Variants in PCNT observed in about 807,000 individuals in gnomAD.
The protein encoded by PCNT is kendrin.
A neutral mutation model predicts 380.4 loss-of-function variants in PCNT; 319 were observed. The observed-to-expected ratio is 0.84, with a 90% CI of 0.77 to 0.92. The LOEUF (loss-of-function observed/expected upper bound fraction) is 0.92, where lower values mean the gene tolerates loss of function less well. Among genes scored for constraint, PCNT ranks in the 40% least tolerant of loss-of-function variants. The pLI, the probability that PCNT is intolerant of heterozygous loss-of-function variation, is 0.00. For missense variants in PCNT, 4,400 were observed against 4,255.3 expected, an observed-to-expected ratio of 1.03 and a Z score of -0.95; for synonymous variants, 1,845 against 1,735.2, an observed-to-expected ratio of 1.06 and a Z score of -1.57.
intron 41 of PCNT, among the ~76,000 whole-genome samples, 183 bp from the exon 42 acceptor site, chr21:46,439,900 C>T (rs932197040): frequency 2.6e-5 from 4 of 152,206 alleles, no homozygotes; most frequent in Non-Finnish European, 5.9e-5. Flanking sequence ...TTTGGCTGAT[C>T]ACAGCACGGC....
chr21:46,402,302 A>G (rs2086453796), intron 26 of PCNT, 29 bp from the exon 27 acceptor site: 1 of 1,478,092 alleles, frequency 6.8e-7, no homozygotes, highest in Admixed American at 1.7e-5. Flanking sequence ...ATGACTTTTA[A>G]TACTTTTCTT....
At chr21:46,397,643 C>T in intron 22 of PCNT, 149 bp downstream of exon 22, 4 of 714,158 alleles carry the variant, frequency 5.6e-6, no homozygotes, top group Admixed American at 4.3e-5. Context: ...AGGTCGCTGA[C>T]TCTTGGTGGG....
chr21:46,416,466 C>T lies in PCNT; in HGVS notation c.6548C>T (p.Ser2183Leu), dbSNP rs1427552636. ...CCAGATTCTCCCATTCAAGAAAAATCAGAATGTCAGGACATGTCTCTTTCT... is the reference window on the plus strand; with the variant it reads ...CCAGATTCTCCCATTCAAGAAAAATTAGAATGTCAGGACATGTCTCTTTCT... ...EMPDSPIQEK[S>L]ECQDMSLSSP... is the part of the protein sequence containing the mutation. Residue 2183 changes from serine (S) to leucine (L), a missense_variant, in exon 30 of 47, where the codon TCA becomes TTA. Transcript: ENST00000359568. 1 of 1,614,192 alleles carries T rather than the reference C, an allele frequency of 6.2e-7. No individual in the cohort carries two copies. Among genetic ancestry groups the T allele is most frequent in the South Asian group, 1.1e-5 (1 of 91,084 alleles).
intron 1 of PCNT, among the ~76,000 whole-genome samples, chr21:46,324,641 G>A (rs1656674937): frequency 6.6e-6 from 1 of 151,482 alleles, no homozygotes; most frequent in African/African-American, 2.4e-5. Flanking sequence ...CAGGGGCGTG[G>A]CGTGGCTGCA....
At chr21:46,416,945 C>T (rs1301306141) in intron 30 of PCNT, 106 bp downstream of exon 30, 9 of 1,121,392 alleles carry the variant, frequency 8.0e-6, no homozygotes, top group South Asian at 1.4e-5. Flanking sequence ...GCACACACCT[C>T]GCAGTGCTGT....
chr21:46,429,207 G>A (rs1420556380), intron 35 of PCNT, among the ~76,000 whole-genome samples: 1 of 152,180 alleles, frequency 6.6e-6, no homozygotes, highest in African/African-American at 2.4e-5. Context: ...GTGCTCTCTG[G>A]GGCTGGGGGC....
chr21:46,380,428 G>A (rs980549318), intron 15 of PCNT, among the ~76,000 whole-genome samples: 1 of 151,972 alleles, frequency 6.6e-6, no homozygotes, highest in African/African-American at 2.4e-5. Flanking sequence ...CCAAAGTGCT[G>A]GGATTACAGG....
At chr21:46,437,989 C>T (rs376799647) in intron 40 of PCNT, among the ~76,000 whole-genome samples, 175 bp from the exon 41 acceptor site, 5 of 152,200 alleles carry the variant, frequency 3.3e-5, no homozygotes, top group Non-Finnish European at 5.9e-5. Flanking sequence ...AAGCCAGTTG[C>T]GTGCAAAGTC....
Position 46,421,218 on chromosome 21 carries a change from TC to T in PCNT, c.7025-747del, listed in dbSNP as rs1460642841. 2.0e-5 allele frequency among the ~76,000 whole-genome samples: 3 copies of T among 152,216 alleles called. No homozygotes were observed. In the East Asian group the frequency reaches 5.8e-4, roughly 29 times the overall value. On this transcript the variant is annotated intron_variant, in intron 31 of 46. Coordinates refer to ENST00000359568, the MANE Select transcript of PCNT (RefSeq NM_006031.6). ...CTCAGCAGGCTGTGCCGGGGCATCA[TC>T]CCCCAGGTGCCCAAGTGCTGCAGCC...
intron 13 of PCNT, among the ~76,000 whole-genome samples, chr21:46,360,012 G>A (rs1448057882): frequency 6.6e-6 from 1 of 150,810 alleles, no homozygotes; most frequent in East Asian, 2.0e-4. Flanking sequence ...GCACACTACC[G>A]TGCTGAGCTA....
At chr21:46,429,432 G>C (rs1033545811) in intron 35 of PCNT, among the ~76,000 whole-genome samples, 1 of 139,790 alleles carries the variant, frequency 7.2e-6, no homozygotes, top group Non-Finnish European at 1.6e-5. Flanking sequence ...CGCTGTGCAC[G>C]TGCTCGTGAG....
chr21:46,379,268 T>C (rs371271413), intron 15 of PCNT, among the ~76,000 whole-genome samples: 1 of 138,936 alleles, frequency 7.2e-6, no homozygotes, highest in Non-Finnish European at 1.7e-5. Context: ...CTTCCTGGGC[T>C]GCGTGTCGTG....
rs779942168 is a variant in PCNT, at chr21:46,390,806, T to A, written c.3977T>A (p.Leu1326Gln). The change falls in exon 20 of 47, where the codon CTG (leucine) becomes CAG (glutamine). Residue 1326 changes from leucine (L) to glutamine (Q), a missense_variant. By Grantham distance (113) the Leu-to-Gln change is moderately radical. Coordinates refer to ENST00000359568, the MANE Select transcript of PCNT (RefSeq NM_006031.6). ...LKEESAAKAE[L>Q]ALELHKTQGT... ...GAGGAGAGCGCAGCAAAGGCAGAGC[T>A]GGCGCTGGAGCTGCACAAGACTCAG... The A allele has an allele frequency of 6.2e-7, 1 of 1,610,442 alleles. No individual in the cohort carries two copies. The highest frequency in any genetic ancestry group is 1.3e-5 in the African/African-American group (1 of 74,848).
chr21:46,379,159 G>T (rs1053537806), intron 15 of PCNT, among the ~76,000 whole-genome samples: 2 of 152,314 alleles, frequency 1.3e-5, no homozygotes, highest in Non-Finnish European at 2.9e-5. Flanking sequence ...ATCATTTCCT[G>T]GATGTGGACT....
At chr21:46,437,389 A>G (rs1283426904) in intron 40 of PCNT, among the ~76,000 whole-genome samples, 2 of 151,926 alleles carry the variant, frequency 1.3e-5, no homozygotes, top group African/African-American at 4.8e-5. Context: ...CGTGACTGGT[A>G]GAGCCCCCTC....
At chr21:46,430,701 A>G (rs2087718869) in intron 37 of PCNT, 44 bp downstream of exon 37, 1 of 1,553,746 alleles carries the variant, frequency 6.4e-7, no homozygotes, top group African/African-American at 1.4e-5. Flanking sequence ...GGCTGTGTGC[A>G]CTGGAAGCCT....
intron 1 of PCNT, 35 bp from the exon 2 acceptor site, chr21:46,326,342 C>G (rs752502740): frequency 1.2e-6 from 2 of 1,603,200 alleles, no homozygotes; most frequent in South Asian, 1.1e-5. Flanking sequence ...TCTCACTTAC[C>G]TTTGCCTTTA....
At chr21:46,380,812 C>T (rs904888982) in intron 15 of PCNT, among the ~76,000 whole-genome samples, 7 of 151,986 alleles carry the variant, frequency 4.6e-5, no homozygotes, top group East Asian at 3.9e-4. Context: ...TTTTGGAGGT[C>T]CTTACTTTGC....
In PCNT at chr21:46,390,805, C is replaced by G; in HGVS notation, c.3976C>G (p.Leu1326Val). 1.2e-6 allele frequency: 2 copies of G among 1,610,704 alleles called. No homozygotes were observed. The highest frequency in any genetic ancestry group is 1.7e-6 in the Non-Finnish European group (2 of 1,178,990). ...LKEESAAKAE[L>V]ALELHKTQGT... ...GGAGGAGAGCGCAGCAAAGGCAGAG[C>G]TGGCGCTGGAGCTGCACAAGACTCA... Residue 1326 changes from leucine to valine, a missense_variant, in exon 20 of 47, where the codon CTG (leucine) becomes GTG (valine). By Grantham distance (32) the Leu-to-Val change is conservative (BLOSUM62 1). Transcript: ENST00000359568.
Sources: allele counts gnomAD v4.1 joint callset (sites outside exome capture counted in the v4.1 genomes callset), GRCh38; gene constraint gnomAD v4.1.1; transcripts MANE v1.5; gene names NCBI Gene and HGNC (gene_info 2026-07-23, HGNC 2026-07-21).